Variants in FBXO42 observed in about 807,000 individuals in gnomAD.
FBXO42 encodes the protein F-box only protein 42.
Under a neutral mutation model 71.7 loss-of-function variants are expected in FBXO42, and 12 were observed. The ratio of observed to expected loss-of-function variants is 0.17; its 90% confidence interval spans 0.11 to 0.27. The LOEUF (loss-of-function observed/expected upper bound fraction) is 0.27. FBXO42 is among the 10% of genes least tolerant of loss of function. The pLI, the probability that FBXO42 is intolerant of heterozygous loss-of-function variation, is 1.00. For missense variants in FBXO42, 707 were observed against 911.9 expected, an observed-to-expected ratio of 0.78 and a Z score of 2.89; for synonymous variants, 325 against 327.5, an observed-to-expected ratio of 0.99 and a Z score of 0.08.
chr1:16,290,661 C>T (rs2100522895), intron 4 of FBXO42, among the ~76,000 whole-genome samples: 1 of 145,032 alleles, frequency 6.9e-6, no homozygotes, highest in South Asian at 2.2e-4. Context: ...CACTGCACTC[C>T]AACCTGGGTG....
intron 1 of FBXO42, among the ~76,000 whole-genome samples, chr1:16,316,730 C>CAAAAAAAAAAAAAAAAAAAAAAAAAA (rs71003274): frequency 3.9e-5 from 2 of 51,570 alleles, no homozygotes; most frequent in Admixed American, 2.6e-4. Flanking sequence ...GAAAGACTCT[C>CAAAAAAAAAAAAAAAAAAAAAAAAAA]AAAAAAAAAA....
At chr1:16,282,024 G>A (rs1473046316) in intron 4 of FBXO42, among the ~76,000 whole-genome samples, 1 of 151,696 alleles carries the variant, frequency 6.6e-6, no homozygotes, top group African/African-American at 2.4e-5. Flanking sequence ...CTACAAAGCA[G>A]CCACTGAGAG....
intron 1 of FBXO42, among the ~76,000 whole-genome samples, chr1:16,338,347 C>T (rs1362013330): frequency 8.9e-6 from 1 of 111,866 alleles, no homozygotes; most frequent in Non-Finnish European, 1.8e-5. Flanking sequence ...GAGTATGGCC[C>T]TATCTCCAAA....
intron 1 of FBXO42, among the ~76,000 whole-genome samples, chr1:16,342,456 C>T (rs1389851871): frequency 6.7e-6 from 1 of 149,354 alleles, no homozygotes; most frequent in Admixed American, 6.7e-5. Context: ...GTGGCACCTG[C>T]TTGTAGTCTC....
At chr1:16,290,881 T>C (rs550243865) in intron 4 of FBXO42, among the ~76,000 whole-genome samples, 113 of 152,292 alleles carry the variant, frequency 7.4e-4, no homozygotes, top group Admixed American at 1.5e-3. Flanking sequence ...ACCCAGTCTA[T>C]GGTATTTTGT....
chr1:16,326,042 G>GTGTGTGTGTGTGTGTC (rs1553154834), intron 1 of FBXO42, among the ~76,000 whole-genome samples: 16 of 150,466 alleles, frequency 1.1e-4, no homozygotes, highest in South Asian at 2.1e-4. Context: ...GTGTGTGTGT[G>GTGTGTGTGTGTGTGTC]TGTGTGTCTG....
chr1:16,320,360 CA>C (rs35441053), intron 1 of FBXO42, among the ~76,000 whole-genome samples: 24 of 113,428 alleles, frequency 2.1e-4, no homozygotes, highest in Admixed American at 3.1e-4. Flanking sequence ...AACTCCATGT[CA>C]AAAAAAAAAA....
chr1:16,306,620 T>C (rs971953404), intron 2 of FBXO42, among the ~76,000 whole-genome samples: 1 of 152,230 alleles, frequency 6.6e-6, no homozygotes, highest in African/African-American at 2.4e-5. Flanking sequence ...TCAGTAAATA[T>C]CTATAGTTGG....
chr1:16,280,498 A>G (rs2081951521), intron 4 of FBXO42, among the ~76,000 whole-genome samples: 1 of 152,234 alleles, frequency 6.6e-6, no homozygotes, highest in Admixed American at 6.5e-5. Context: ...GTTTATCATT[A>G]TTCAATGGCA....
chr1:16,249,862 T>G lies in FBXO42; in HGVS notation c.*808A>C, dbSNP rs1432141752. The G allele has an allele frequency of 6.6e-6, 1 of 152,000 alleles. No homozygotes were observed. The highest frequency in any genetic ancestry group is 1.5e-5 in the Non-Finnish European group (1 of 68,012). The allele number at this position is 152,000 out of a possible 1,614,324, so 9.4% of individuals were successfully genotyped here. A position where few individuals can be genotyped will look rare whatever the true frequency, so the allele number is the denominator to read the frequency against. On this transcript the variant is annotated 3_prime_UTR_variant, in exon 10 of 10. Transcript: ENST00000375592. Reference sequence around the variant, plus strand: ...TGGAAAAGGCAGTTTCCAAGTACCATGTTCTAAGGGAAGAAAGAGGAGAAT... The same window carrying G: ...TGGAAAAGGCAGTTTCCAAGTACCAGGTTCTAAGGGAAGAAAGAGGAGAAT...
At chr1:16,276,505 A>G (rs976996093) in intron 4 of FBXO42, among the ~76,000 whole-genome samples, 6 of 152,308 alleles carry the variant, frequency 3.9e-5, no homozygotes, top group Admixed American at 2.6e-4. Context: ...GGTCCATGGC[A>G]CTACCAAGTG....
At chr1:16,336,954 T>G (rs1373028249) in intron 1 of FBXO42, among the ~76,000 whole-genome samples, 1 of 152,088 alleles carries the variant, frequency 6.6e-6, no homozygotes, top group Non-Finnish European at 1.5e-5. Flanking sequence ...CATTGCACTC[T>G]AGCCTGGGCA....
intron 4 of FBXO42, among the ~76,000 whole-genome samples, chr1:16,276,660 A>G (rs2081906848): frequency 6.6e-6 from 1 of 152,236 alleles, no homozygotes; most frequent in African/African-American, 2.4e-5. Flanking sequence ...TTGGAGATAT[A>G]CAAGGATAAG....
rs540994461 is a variant in FBXO42, at chr1:16,303,890, C to G, written c.367+1913G>C. ...CCTCCCCAGTAGCTGCGACTACAGG[C>G]GCCCGCCACCATGCCCGGGTAATTT... On this transcript the variant is annotated intron_variant, in intron 3 of 9. Coordinates refer to ENST00000375592, the MANE Select transcript of FBXO42 (RefSeq NM_018994.3). Among the ~76,000 whole-genome samples, 4 of 152,066 alleles carry G rather than the reference C, an allele frequency of 2.6e-5. No individual in the cohort carries two copies. In the South Asian group the frequency reaches 8.3e-4, roughly 32 times the overall value.
intron 1 of FBXO42, among the ~76,000 whole-genome samples, chr1:16,338,804 C>CTT (rs71574177): frequency 0.16 from 12,955 of 80,706 alleles, 1,166 homozygotes; most frequent in Non-Finnish European, 0.21. Flanking sequence ...TTCCATTTGT[C>CTT]TTTTTTTTTT....
chr1:16,350,573 CAAAAAAAAA>C (rs60358251), intron 1 of FBXO42, among the ~76,000 whole-genome samples: 3 of 66,792 alleles, frequency 4.5e-5, no homozygotes, highest in South Asian at 5.8e-4. Context: ...ACTAAAATTA[CAAAAAAAAA>C]AAAAAAAAAA....
intron 4 of FBXO42, among the ~76,000 whole-genome samples, chr1:16,281,162 A>G (rs1202540377): frequency 6.6e-6 from 1 of 152,084 alleles, no homozygotes; most frequent in Non-Finnish European, 1.5e-5. Flanking sequence ...GGGTTTCTCC[A>G]TGTTGGTCAG....
chr1:16,308,738 C>CTT (rs1375953649), intron 2 of FBXO42, among the ~76,000 whole-genome samples: 13 of 116,474 alleles, frequency 1.1e-4, no homozygotes, highest in African/African-American at 2.1e-4. Context: ...GACCCCATCT[C>CTT]TGTTTTTTTT....
At chr1:16,299,908 G>C (rs1231369506) in intron 3 of FBXO42, among the ~76,000 whole-genome samples, 1 of 152,192 alleles carries the variant, frequency 6.6e-6, no homozygotes, top group Non-Finnish European at 1.5e-5. Context: ...CTCCCAAAGT[G>C]CTGGGATTAC....
Sources: gnomAD v4.1 joint callset for allele counts (sites outside exome capture counted in the v4.1 genomes callset) on GRCh38, gnomAD v4.1.1 for gene constraint, MANE v1.5 for transcripts, NCBI Gene and HGNC (gene_info 2026-07-23, HGNC 2026-07-21) for gene names.